Variants in ROCK1 observed in about 807,000 individuals in gnomAD.
The protein encoded by ROCK1 is rho-associated protein kinase 1.
ROCK1 carries 36 observed loss-of-function variants against 196.8 expected under a neutral mutation model. The ratio of observed to expected loss-of-function variants is 0.18; its 90% CI spans 0.14 to 0.24. ROCK1 has a LOEUF of 0.24. ROCK1 is among the 10% of genes least tolerant of loss of function. ROCK1 has a pLI of 1.00. For missense variants in ROCK1, 920 were observed against 1,562.0 expected (o/e 0.59, Z 6.93); for synonymous variants, 443 against 515.9 (o/e 0.86, Z 1.91).
chr18:20,978,751 G>C (rs2035503162), intron 22 of ROCK1, among the ~76,000 whole-genome samples: 1 of 152,172 alleles, frequency 6.6e-6, no homozygotes, highest in Non-Finnish European at 1.5e-5. Flanking sequence ...TTTTAGGATG[G>C]TGATTACTCT....
chr18:21,025,188 C>G (rs1214275534), intron 10 of ROCK1, among the ~76,000 whole-genome samples: 1 of 152,108 alleles, frequency 6.6e-6, no homozygotes. Flanking sequence ...TATATTGGTG[C>G]TTTTACATAG....
intron 1 of ROCK1, among the ~76,000 whole-genome samples, chr18:21,108,629 T>C (rs2036723533): frequency 6.6e-6 from 1 of 152,206 alleles, no homozygotes; most frequent in Non-Finnish European, 1.5e-5. Flanking sequence ...GACTATTGCC[T>C]CTCTCTTTGG....
intron 27 of ROCK1, among the ~76,000 whole-genome samples, chr18:20,964,287 A>C (rs2035353126): frequency 6.6e-6 from 1 of 152,234 alleles, no homozygotes; most frequent in South Asian, 2.1e-4. Flanking sequence ...CATTACCTTC[A>C]AGAAATTTTT....
intron 9 of ROCK1, among the ~76,000 whole-genome samples, chr18:21,032,106 C>A (rs1474235702): frequency 6.6e-6 from 1 of 152,144 alleles, no homozygotes; most frequent in Non-Finnish European, 1.5e-5. Context: ...TAAATCTACA[C>A]ATCCAAGAAG....
intron 1 of ROCK1, among the ~76,000 whole-genome samples, chr18:21,075,201 T>C (rs2036419351): frequency 6.6e-6 from 1 of 151,982 alleles, no homozygotes; most frequent in African/African-American, 2.4e-5. Context: ...AAGAGACAGG[T>C]GGAGATGAAA....
chr18:21,062,249 G>A (rs910920415), intron 2 of ROCK1, among the ~76,000 whole-genome samples: 7 of 152,222 alleles, frequency 4.6e-5, no homozygotes, highest in East Asian at 1.9e-4. Context: ...CTGGAGCATC[G>A]TGTAATGCCA....
Position 20,959,087 on chromosome 18 carries a change from T to TTATATAATA in ROCK1, c.3512+744_3512+752dup. Reference sequence around the variant, plus strand: ...TTTTATATTATATAATATATATATTTTATATAATATATATATTATATATAT... The same window carrying TTATATAATA: ...TTTTATATTATATAATATATATATTTTATATAATATATATAATATATATATTATATATAT... On this transcript the variant is annotated intron_variant, in intron 29 of 32. Coordinates refer to ENST00000399799, the MANE Select transcript of ROCK1 (RefSeq NM_005406.3). Among the ~76,000 whole-genome samples the TTATATAATA allele has an allele frequency of 4.1e-3, 124 of 30,242 alleles. 6 individuals carry two copies. Among genetic ancestry groups the TTATATAATA allele is most frequent in the African/African-American group, 0.023 (121 of 5,164 alleles). 19.8% of individuals were successfully genotyped at this position (30,242 alleles called of 152,430 possible). A position where few individuals can be genotyped will look rare whatever the true frequency, so the allele number is the denominator to read the frequency against.
At chr18:20,997,152 G>C (rs946430213) in intron 16 of ROCK1, among the ~76,000 whole-genome samples, 1 of 151,952 alleles carries the variant, frequency 6.6e-6, no homozygotes, top group Non-Finnish European at 1.5e-5. Flanking sequence ...GAAAGACATG[G>C]AGTGGCTGAA....
At chr18:21,022,557 G>A (rs2143466857) in intron 11 of ROCK1, among the ~76,000 whole-genome samples, 1 of 152,222 alleles carries the variant, frequency 6.6e-6, no homozygotes, top group South Asian at 2.1e-4. Context: ...GGAGACACCA[G>A]CAGAAATCTG....
At position 20,980,024 on chromosome 18, in the gene ROCK1, G is replaced by A. The variant is rs7241868; in HGVS notation, c.2560-20C>T. ...AAGTGTCTGCAAAACAAGTGACAAG[G>A]AGAAATAAGTGTTTATGGTGGGTTA... On this transcript the variant is annotated intron_variant, in intron 21 of 32. Transcript: ENST00000399799. 1.8e-3 allele frequency: 2,683 copies of A among 1,519,582 alleles called. 45 individuals are homozygous for A. The African/African-American group carries it at 0.035, about 20-fold the overall frequency. 94.1% of individuals were successfully genotyped at this position (1,519,582 alleles called of 1,614,324 possible).
chr18:21,078,450 G>GA (rs955020114), intron 1 of ROCK1, among the ~76,000 whole-genome samples: 8 of 149,876 alleles, frequency 5.3e-5, no homozygotes, highest in African/African-American at 1.5e-4. Flanking sequence ...AGATAGAGAG[G>GA]AAAAAAAAGG....
At chr18:20,993,314 T>G (rs955197787) in intron 16 of ROCK1, among the ~76,000 whole-genome samples, 1 of 152,192 alleles carries the variant, frequency 6.6e-6, no homozygotes, top group Non-Finnish European at 1.5e-5. Context: ...GCCATTCTCC[T>G]GCCTCAGCCT....
intron 22 of ROCK1, among the ~76,000 whole-genome samples, chr18:20,978,541 G>A (rs1042831998): frequency 1.8e-4 from 27 of 152,192 alleles, no homozygotes; most frequent in African/African-American, 3.6e-4. Context: ...TTAATTTTAC[G>A]TAATTGAATT....
At position 20,991,423 on chromosome 18, in the gene ROCK1, T is replaced by C. The variant is rs1009663081; in HGVS notation, c.1993-97A>G. 7 of 813,852 alleles carry C rather than the reference T, an allele frequency of 8.6e-6. No individual in the cohort carries two copies. In the East Asian group the frequency reaches 1.4e-4, roughly 16 times the overall value. 50.4% of individuals were successfully genotyped at this position (813,852 alleles called of 1,614,324 possible). ...ATATTCTGGAAGAGATATGATGCCT[T>C]ATTTTAAAAATCACAATAAACACAT... On this transcript the variant is annotated intron_variant, in intron 17 of 32. Coordinates refer to ENST00000399799, the MANE Select transcript of ROCK1 (RefSeq NM_005406.3).
chr18:21,078,631 C>A (rs1280911929), intron 1 of ROCK1, among the ~76,000 whole-genome samples: 1 of 152,070 alleles, frequency 6.6e-6, no homozygotes, highest in African/African-American at 2.4e-5. Flanking sequence ...AGGTCTGTCT[C>A]CAGTAGTCTC....
intron 3 of ROCK1, 68 bp downstream of exon 3, chr18:21,049,712 T>C (rs779209919): frequency 7.3e-6 from 7 of 965,338 alleles, no homozygotes; most frequent in Non-Finnish European, 1.1e-5. Context: ...CCAAATAATA[T>C]GTTAAACACA....
intron 11 of ROCK1, among the ~76,000 whole-genome samples, chr18:21,023,197 GCTTAATGCCACCGAACTGCACACTTAAA>G (rs1311949469): frequency 1.3e-5 from 2 of 152,056 alleles, no homozygotes; most frequent in Non-Finnish European, 2.9e-5. Flanking sequence ...ATGTGAAGGT[GCTTAATGCCACCGAACTGCACACTTAAA>G]AATGATTAAA....
rs1239896326 is a variant in ROCK1, at chr18:20,958,969, T to A, written c.3512+871A>T. ...TAATATATATATTTTATATAATATA[T>A]ATAATATATATATTTTATAAAAAAT... On this transcript the variant is annotated intron_variant, in intron 29 of 32. Coordinates refer to ENST00000399799, the MANE Select transcript of ROCK1 (RefSeq NM_005406.3). 6.4e-3 allele frequency among the ~76,000 whole-genome samples: 594 copies of A among 92,670 alleles called. 5 individuals carry two copies. Among genetic ancestry groups the A allele is most frequent in the Non-Finnish European group, 9.5e-3 (483 of 50,932 alleles). 60.8% of individuals were successfully genotyped at this position (92,670 alleles called of 152,430 possible). A position where few individuals can be genotyped will look rare whatever the true frequency, so the allele number is the denominator to read the frequency against.
chr18:21,027,173 A>T (rs1254856311), intron 10 of ROCK1, among the ~76,000 whole-genome samples: 1 of 152,108 alleles, frequency 6.6e-6, no homozygotes, highest in Non-Finnish European at 1.5e-5. Flanking sequence ...TCTTGACCTC[A>T]AGTGACCTGC....
Sources: allele counts gnomAD v4.1 joint callset (sites outside exome capture counted in the v4.1 genomes callset), GRCh38; gene constraint gnomAD v4.1.1; transcripts MANE v1.5; gene names NCBI Gene and HGNC (gene_info 2026-07-23, HGNC 2026-07-21).